Variants in RBFOX1 observed in about 807,000 individuals in gnomAD.
RBFOX1 encodes the protein RNA binding protein fox-1 homolog 1.
RBFOX1 carries 8 observed loss-of-function variants against 57.7 expected under a neutral mutation model. That is an observed-to-expected ratio of 0.14 (90% confidence interval 0.08 to 0.25). The LOEUF (loss-of-function observed/expected upper bound fraction) is 0.25, where lower values mean the gene tolerates loss of function less well. RBFOX1 is among the 10% of genes least tolerant of loss of function. The pLI, the probability that RBFOX1 is intolerant of heterozygous loss-of-function variation, is 1.00. For missense variants in RBFOX1, 611 were observed against 548.5 expected (o/e 1.11, Z -1.14); for synonymous variants, 326 against 222.4 (o/e 1.47, Z -4.15).
chr16:6,950,765 A>T (rs2080557538), intron 3 of RBFOX1, among the ~76,000 whole-genome samples: 1 of 152,124 alleles, frequency 6.6e-6, no homozygotes, highest in African/African-American at 2.4e-5. Flanking sequence ...GGGTAGGTGA[A>T]TTTCACTTAA....
chr16:7,006,236 C>A (rs1018259764), intron 3 of RBFOX1, among the ~76,000 whole-genome samples: 2 of 151,952 alleles, frequency 1.3e-5, no homozygotes, highest in Non-Finnish European at 2.9e-5. Context: ...TTCACTGCAT[C>A]CTCTGCCTCC....
chr16:5,727,030 G>A (rs947852550), intron 3 of RBFOX1, among the ~76,000 whole-genome samples: 3 of 152,146 alleles, frequency 2.0e-5, no homozygotes, highest in African/African-American at 2.4e-5. Context: ...AGGCTGGGGC[G>A]GGTGGATTAC....
In RBFOX1 at chr16:6,713,109, C is replaced by T. The variant is rs1481817350; in HGVS notation, c.-16+58459C>T. On this transcript the variant is annotated intron_variant, in intron 3 of 15. Coordinates refer to ENST00000550418, the MANE Select transcript of RBFOX1 (RefSeq NM_018723.4). ...AAACCTCCTTTCCTTTATAAATTAC[C>T]CAGTCTCAGGTATTTCTTACAGCAG... Among the ~76,000 whole-genome samples, 5 of 152,052 alleles carry T rather than the reference C, an allele frequency of 3.3e-5. No homozygotes were observed. In the East Asian group the frequency reaches 9.7e-4, roughly 29 times the overall value.
At chr16:7,147,621 C>T (rs1336414014) in intron 4 of RBFOX1, among the ~76,000 whole-genome samples, 4 of 152,190 alleles carry the variant, frequency 2.6e-5, no homozygotes, top group Non-Finnish European at 5.9e-5. Context: ...CTTCCAGCTG[C>T]ATTCACGTTG....
intron 3 of RBFOX1, among the ~76,000 whole-genome samples, chr16:6,728,421 T>C (rs921062685): frequency 6.6e-6 from 1 of 152,234 alleles, no homozygotes; most frequent in Non-Finnish European, 1.5e-5. Flanking sequence ...CCCAGTTGTA[T>C]TTTGTATGTT....
intron 4 of RBFOX1, among the ~76,000 whole-genome samples, chr16:7,195,933 T>C (rs966923380): frequency 6.6e-5 from 10 of 152,136 alleles, no homozygotes; most frequent in African/African-American, 1.9e-4. Context: ...CCACGTGATA[T>C]GATTTTTTCT....
chr16:7,547,054 A>T (rs1214178342), intron 5 of RBFOX1, among the ~76,000 whole-genome samples: 3 of 151,994 alleles, frequency 2.0e-5, no homozygotes, highest in Non-Finnish European at 4.4e-5. Context: ...TGTCTCCTGC[A>T]CTCACACCAG....
At chr16:7,104,874 C>A (rs990754629) in intron 4 of RBFOX1, among the ~76,000 whole-genome samples, 7 of 152,052 alleles carry the variant, frequency 4.6e-5, no homozygotes, top group African/African-American at 1.7e-4. Flanking sequence ...ACAGAAAAGT[C>A]CAAGAGATGG....
intron 1 of RBFOX1, among the ~76,000 whole-genome samples, chr16:5,251,283 A>T (rs2062444159): frequency 6.6e-6 from 1 of 152,196 alleles, no homozygotes; most frequent in Non-Finnish European, 1.5e-5. Context: ...TAAAATGGGG[A>T]TAATGTGATA....
At chr16:5,802,159 C>T (rs1474828677) in intron 3 of RBFOX1, among the ~76,000 whole-genome samples, 2 of 152,142 alleles carry the variant, frequency 1.3e-5, no homozygotes, top group Non-Finnish European at 2.9e-5. Flanking sequence ...CCCCTTACTC[C>T]ATGCCCTCAA....
chr16:6,915,820 G>T (rs1177069700), intron 3 of RBFOX1, among the ~76,000 whole-genome samples: 1 of 152,094 alleles, frequency 6.6e-6, no homozygotes, highest in African/African-American at 2.4e-5. Flanking sequence ...GCAAAGTCCT[G>T]TAATTAGAGG....
chr16:5,542,235 C>G (rs2044986299), intron 2 of RBFOX1, among the ~76,000 whole-genome samples: 2 of 146,044 alleles, frequency 1.4e-5, no homozygotes, highest in African/African-American at 5.1e-5. Flanking sequence ...TTTAATAACA[C>G]AGGTATTGAT....
intron 3 of RBFOX1, among the ~76,000 whole-genome samples, chr16:6,836,618 T>C (rs9924648): frequency 0.52 from 79,575 of 151,906 alleles, 22,489 homozygotes; most frequent in East Asian, 0.87. Context: ...GTGTATCTTC[T>C]GTGAAGGTCT....
At chr16:6,908,118 C>A (rs952649631) in intron 3 of RBFOX1, among the ~76,000 whole-genome samples, 3 of 151,778 alleles carry the variant, frequency 2.0e-5, no homozygotes, top group Non-Finnish European at 4.4e-5. Context: ...GTTAGGACAT[C>A]CACATGTTTT....
At chr16:7,526,043 C>T (rs2078630628) in intron 5 of RBFOX1, among the ~76,000 whole-genome samples, 1 of 144,456 alleles carries the variant, frequency 6.9e-6, no homozygotes. Context: ...GTGAGCATTA[C>T]CACTTTAGCT....
chr16:5,490,679 A>G (rs781562929), intron 2 of RBFOX1, among the ~76,000 whole-genome samples: 1 of 152,148 alleles, frequency 6.6e-6, no homozygotes, highest in Non-Finnish European at 1.5e-5. Context: ...GACCGCCCGG[A>G]AACTTCAAGG....
intron 2 of RBFOX1, among the ~76,000 whole-genome samples, chr16:5,593,968 C>A (rs150558889): frequency 2.0e-5 from 3 of 152,218 alleles, no homozygotes; most frequent in African/African-American, 7.2e-5. Context: ...CCGTAGGAAC[C>A]CGTGATACAC....
At chr16:7,375,278 C>G (rs952696834) in intron 4 of RBFOX1, among the ~76,000 whole-genome samples, 2 of 152,068 alleles carry the variant, frequency 1.3e-5, no homozygotes, top group African/African-American at 4.8e-5. Context: ...AGCCTGATTC[C>G]AAAACTACTT....
At chr16:6,675,015 C>T (rs527960618) in intron 3 of RBFOX1, among the ~76,000 whole-genome samples, 2 of 152,114 alleles carry the variant, frequency 1.3e-5, no homozygotes, top group East Asian at 1.9e-4. Context: ...AAGCCATTCT[C>T]GTGCCTCAGC....
Sources: allele counts gnomAD v4.1 joint callset (sites outside exome capture counted in the v4.1 genomes callset), GRCh38; gene constraint gnomAD v4.1.1; transcripts MANE v1.5; gene names NCBI Gene and HGNC (gene_info 2026-07-23, HGNC 2026-07-21).